The following ACBD5 variants were observed in gnomAD, a reference collection of about 807,000 sequenced individuals.
The protein encoded by ACBD5 is acyl-CoA-binding domain-containing protein 5.
A neutral mutation model predicts 71.8 loss-of-function variants in ACBD5; 40 were observed. That is an observed-to-expected ratio of 0.56 (90% CI 0.43 to 0.72). ACBD5 has a LOEUF of 0.72. Among genes scored for constraint, ACBD5 ranks in the 30% least tolerant of loss-of-function variants. The pLI, the probability that ACBD5 is intolerant of heterozygous loss-of-function variation, is 0.00. For missense variants in ACBD5, 559 were observed against 644.5 expected (o/e 0.87, Z 1.44); for synonymous variants, 229 against 218.6 (o/e 1.05, Z -0.42).
chr10:27,203,358 G>A (rs1373974681), intron 12 of ACBD5, among the ~76,000 whole-genome samples: 1 of 152,122 alleles, frequency 6.6e-6, no homozygotes, highest in Non-Finnish European at 1.5e-5. Flanking sequence ...GACAGACTCA[G>A]AATTACTTTC....
chr10:27,231,893 G>T, intron 3 of ACBD5, 73 bp from the exon 4 acceptor site: 1 of 1,368,882 alleles, frequency 7.3e-7, no homozygotes, highest in Non-Finnish European at 1.0e-6. Context: ...ATTTATAGTT[G>T]ATGCTATAGG....
chr10:27,220,050 T>G (rs2062143717), intron 5 of ACBD5, among the ~76,000 whole-genome samples, 193 bp from the exon 6 acceptor site: 1 of 152,204 alleles, frequency 6.6e-6, no homozygotes, highest in African/African-American at 2.4e-5. Flanking sequence ...AATTATCACC[T>G]TATGATCAAG....
chr10:27,186,387 C>T (rs766690136), intron 13 of ACBD5: 16 of 1,613,902 alleles, frequency 9.9e-6, no homozygotes, highest in African/African-American at 5.3e-5. Flanking sequence ...AGAGCTAAAA[C>T]GTCATCCTCT....
chr10:27,240,775 C>A lies in ACBD5; in HGVS notation c.-87G>T, dbSNP rs2065403327. ...GGGACCCTGGCGGAGCAGCCACACC[C>A]CCCATTCCGCCGGAGTCCGTCTGTC... On this transcript the variant is annotated 5_prime_UTR_variant, in exon 1 of 13. Transcript: ENST00000396271. The surrounding 1 kb of genome is among the most constrained non-coding windows in gnomAD (Gnocchi z 4.1). The A allele has an allele frequency of 6.5e-7, 1 of 1,537,364 alleles. No homozygotes were observed. The highest frequency in any genetic ancestry group is 1.4e-5 in the African/African-American group (1 of 72,778).
At chr10:27,190,282 C>T (rs1157858015), downstream of ACBD5, among the ~76,000 whole-genome samples, 1 of 151,080 alleles carries the variant, frequency 6.6e-6, no homozygotes, top group Admixed American at 6.6e-5. Flanking sequence ...GAGACTCTGC[C>T]TCAAAAAAAA....
At chr10:27,184,554 A>ATTTTTTTTTTTTT (rs752147433) in intron 13 of ACBD5, among the ~76,000 whole-genome samples, 5 of 84,848 alleles carry the variant, frequency 5.9e-5, no homozygotes, top group African/African-American at 9.4e-5. Flanking sequence ...TATAAGAAGG[A>ATTTTTTTTTTTTT]TTTTTTTTTT....
chr10:27,210,719 C>T, intron 9 of ACBD5, 95 bp downstream of exon 9: 3 of 1,549,056 alleles, frequency 1.9e-6, no homozygotes, highest in Non-Finnish European at 2.6e-6. Context: ...GATTGCACCA[C>T]CGCACACCAG....
rs1052079923 is a variant in ACBD5 at position 27,240,250 on chromosome 10, C to G, written c.181+69G>C. On this transcript the variant is annotated intron_variant, in intron 2 of 12. Coordinates refer to ENST00000396271, the MANE Select transcript of ACBD5 (RefSeq NM_145698.5). The surrounding 1 kb of genome is among the most constrained non-coding windows in gnomAD (Gnocchi z 4.1). ...AAAGGCTAAATAAACAACACTAGAA[C>G]CAGAAAGTGAAAGGGGGCTTTGGGG... 4 of 1,612,892 alleles carry G rather than the reference C, an allele frequency of 2.5e-6. No individual in the cohort carries two copies. The African/African-American group carries it at 5.3e-5, about 21-fold the overall frequency.
At position 27,208,372 on chromosome 10, in the gene ACBD5, C is replaced by T. The variant is rs2060691809; in HGVS notation, c.1278G>A (p.Trp426Ter). The change falls in exon 10 of 13, where the codon TGG becomes TGA. Residue 426 changes from tryptophan to a stop codon, truncating the protein, a stop_gained. Transcript: ENST00000396271. LOFTEE classifies it high-confidence loss of function. ...TGCCTCGGGACCCTCTGTCGGAGCC[C>T]CAGCGCTCCCCATCACCTCCACTTC... is the stretch of plus-strand genomic sequence containing the variant. ...QVGSGGDGER[W>*]GSDRGSRGSL... The T allele has an allele frequency of 6.2e-7, 1 of 1,613,992 alleles. No individual in the cohort carries two copies. Among genetic ancestry groups the T allele is most frequent in the Non-Finnish European group, 8.5e-7 (1 of 1,179,994 alleles).
At chr10:27,192,762 G>A (rs971225685), downstream of ACBD5, among the ~76,000 whole-genome samples, 1 of 152,096 alleles carries the variant, frequency 6.6e-6, no homozygotes, top group African/African-American at 2.4e-5. Flanking sequence ...ACGAGGTCAG[G>A]AGTTCAAGAC....
intron 13 of ACBD5, chr10:27,186,257 A>G (rs2058739390): frequency 9.8e-7 from 1 of 1,016,490 alleles, no homozygotes; most frequent in African/African-American, 1.6e-5. Flanking sequence ...AATGTCTGTG[A>G]AACTGACATA....
intron 5 of ACBD5, among the ~76,000 whole-genome samples, chr10:27,222,168 T>C (rs1258979401): frequency 2.6e-5 from 4 of 152,078 alleles, no homozygotes; most frequent in Non-Finnish European, 4.4e-5. Context: ...TTGTCAATTA[T>C]TAAAAGATGT....
At chr10:27,228,490 T>C (rs2137950007) in intron 4 of ACBD5, among the ~76,000 whole-genome samples, 1 of 151,748 alleles carries the variant, frequency 6.6e-6, no homozygotes, top group Admixed American at 6.6e-5. Context: ...GGCAGGAGAA[T>C]GGTGTGAACC....
intron 13 of ACBD5, among the ~76,000 whole-genome samples, chr10:27,185,548 G>A (rs1426688871): frequency 3.4e-5 from 5 of 148,494 alleles, no homozygotes; most frequent in East Asian, 4.0e-4. Flanking sequence ...TGGGAGAATC[G>A]CTTGAACCCG....
chr10:27,196,536 G>A lies in ACBD5; in HGVS notation c.*894C>T, dbSNP rs1156718791. On this transcript the variant is annotated 3_prime_UTR_variant, in exon 13 of 13. Coordinates refer to ENST00000396271, the MANE Select transcript of ACBD5 (RefSeq NM_145698.5). ...CAGTCTATATAGTTCATCAGTTGCA[G>A]AAAAGTGATTTTCGTGTGTTTCCTT... The A allele has an allele frequency of 2.5e-6, 1 of 398,842 alleles. No individual in the cohort carries two copies. The highest frequency in any genetic ancestry group is 2.8e-5 in the Admixed American group (1 of 35,906). The allele number at this position is 398,842 out of a possible 1,614,324, so 24.7% of individuals were successfully genotyped here.
At position 27,240,287 on chromosome 10, in the gene ACBD5, A is replaced by C; in HGVS notation, c.181+32T>G. 1 of 1,614,042 alleles carries C rather than the reference A, an allele frequency of 6.2e-7. No homozygotes were observed. On this transcript the variant is annotated intron_variant, in intron 2 of 12. Coordinates refer to ENST00000396271, the MANE Select transcript of ACBD5 (RefSeq NM_145698.5). The surrounding 1 kb of genome is among the most constrained non-coding windows in gnomAD (Gnocchi z 4.1). ...AGGGGGCTTTGGGGCTCTCTGCAGG[A>C]GGCGTCTACAGCCGGGGCCCAGCGC...
At chr10:27,210,789 A>C (rs757875339) in intron 9 of ACBD5, 25 bp downstream of exon 9, 2 of 1,613,944 alleles carry the variant, frequency 1.2e-6, no homozygotes, top group Non-Finnish European at 8.5e-7. Flanking sequence ...AATAAAGGTG[A>C]GGGAAGAAAA....
At chr10:27,212,633 C>A (rs1449257957) in intron 8 of ACBD5, among the ~76,000 whole-genome samples, 3 of 145,744 alleles carry the variant, frequency 2.1e-5, no homozygotes, top group Admixed American at 7.2e-5. Flanking sequence ...GGCTGGAGTG[C>A]AGTGGTGCGA....
intron 12 of ACBD5, among the ~76,000 whole-genome samples, chr10:27,199,196 C>G (rs2059664307): frequency 6.8e-6 from 1 of 146,612 alleles, no homozygotes; most frequent in African/African-American, 2.5e-5. Flanking sequence ...ATCTTTTTTT[C>G]TTTTTTTTTT....
Sources: gnomAD v4.1 joint callset for allele counts (sites outside exome capture counted in the v4.1 genomes callset) on GRCh38, gnomAD v4.1.1 for gene constraint, Gnocchi (gnomAD v3.1) non-coding constraint, MANE v1.5 for transcripts, NCBI Gene and HGNC (gene_info 2026-07-23, HGNC 2026-07-21) for gene names.